Variants in S100A8 observed in about 807,000 individuals in gnomAD.
S100A8 encodes S100 calcium binding protein A8, also known as protein S100-A8.
In S100A8, 1 loss-of-function variant was observed where a neutral mutation model predicts 4.2. The ratio of observed to expected loss-of-function variants is 0.24; its 90% CI spans 0.08 to 1.12. The LOEUF (loss-of-function observed/expected upper bound fraction) is 1.12, where lower values mean the gene tolerates loss of function less well. Ranked by LOEUF, S100A8 falls within the 50% of genes most tolerant of loss-of-function variation. The pLI is 0.53. For missense variants in S100A8, 96 were observed against 111.8 expected (o/e 0.86, Z 0.64); for synonymous variants, 41 against 44.7 (o/e 0.92, Z 0.33).
intron 1 of S100A8, 168 bp downstream of exon 1, chr1:153,390,873 G>A (rs1034539800): frequency 9.0e-6 from 4 of 445,262 alleles, no homozygotes; most frequent in Non-Finnish European, 1.3e-5. Context: ...GAAGGTGCTG[G>A]AGGATACTCT....
At chr1:153,410,642 C>T in the S100A8 span, among the ~76,000 whole-genome samples, 5 of 152,136 alleles carry the variant, frequency 3.3e-5, no homozygotes, top group Non-Finnish European at 7.3e-5. Flanking sequence ...AGGCCAGCAT[C>T]ATCCTGATAC....
chr1:153,395,133 T>C (rs1557849492), upstream of S100A8, among the ~76,000 whole-genome samples: 1 of 152,108 alleles, frequency 6.6e-6, no homozygotes, highest in African/African-American at 2.4e-5. Flanking sequence ...CTCAGATCAG[T>C]GGTTCATGAA....
the S100A8 span, among the ~76,000 whole-genome samples, chr1:153,398,697 T>C: frequency 1.3e-5 from 2 of 152,230 alleles, no homozygotes; most frequent in Non-Finnish European, 2.9e-5. Context: ...CCACCGCTCA[T>C]GGAGCCAGCC....
chr1:153,412,070 T>C, the S100A8 span, among the ~76,000 whole-genome samples: 1 of 152,200 alleles, frequency 6.6e-6, no homozygotes, highest in Admixed American at 6.5e-5. Context: ...GACATAGGCA[T>C]GGGCAAAGAC....
the S100A8 span, among the ~76,000 whole-genome samples, chr1:153,415,545 T>G: frequency 6.6e-6 from 1 of 152,190 alleles, no homozygotes; most frequent in Admixed American, 6.5e-5. Context: ...TGGTTCAGGC[T>G]TTCCACAGCA....
the S100A8 span, among the ~76,000 whole-genome samples, chr1:153,397,173 G>T: frequency 6.6e-6 from 1 of 152,254 alleles, no homozygotes; most frequent in Non-Finnish European, 1.5e-5. Flanking sequence ...CTTCCTCAAG[G>T]CAGGGCAGTG....
chr1:153,403,023 A>T, the S100A8 span, among the ~76,000 whole-genome samples: 1 of 152,196 alleles, frequency 6.6e-6, no homozygotes, highest in African/African-American at 2.4e-5. Context: ...TTTTCAATAC[A>T]TTTTACTGGA....
upstream of S100A8, among the ~76,000 whole-genome samples, chr1:153,394,357 C>T (rs190012032): frequency 6.6e-6 from 1 of 152,290 alleles, no homozygotes; most frequent in East Asian, 1.9e-4. Flanking sequence ...AGGTATTTCT[C>T]CCCTGGGCCT....
chr1:153,416,354 C>A, the S100A8 span, among the ~76,000 whole-genome samples: 2 of 152,166 alleles, frequency 1.3e-5, no homozygotes, highest in Non-Finnish European at 2.9e-5. Flanking sequence ...GACCTGGTGA[C>A]CTGGGACCCT....
the S100A8 span, among the ~76,000 whole-genome samples, chr1:153,406,072 C>T: frequency 6.6e-6 from 1 of 152,146 alleles, no homozygotes; most frequent in Non-Finnish European, 1.5e-5. Context: ...CTCACCGTGG[C>T]TCCTGGAAGT....
the S100A8 span, chr1:153,396,716 T>A: frequency 6.6e-6 from 1 of 152,274 alleles, no homozygotes; most frequent in South Asian, 2.1e-4. Flanking sequence ...TTGTCCTTGT[T>A]CTTGTCTGCG....
At chr1:153,415,044 G>T in the S100A8 span, among the ~76,000 whole-genome samples, 3 of 152,096 alleles carry the variant, frequency 2.0e-5, no homozygotes, top group African/African-American at 7.2e-5. Context: ...TTCTTTTTCT[G>T]AGTAATTTCA....
At chr1:153,412,823 T>C in the S100A8 span, among the ~76,000 whole-genome samples, 3 of 152,212 alleles carry the variant, frequency 2.0e-5, no homozygotes, top group Non-Finnish European at 4.4e-5. Context: ...GATGAGTTCA[T>C]GTCCTTTGTA....
chr1:153,402,180 A>G, the S100A8 span, among the ~76,000 whole-genome samples: 1 of 152,194 alleles, frequency 6.6e-6, no homozygotes, highest in South Asian at 2.1e-4. Flanking sequence ...GATTAACAGT[A>G]TTAAGTTCTT....
the S100A8 span, among the ~76,000 whole-genome samples, chr1:153,404,944 G>A: frequency 3.2e-4 from 49 of 152,166 alleles, no homozygotes; most frequent in Admixed American, 2.0e-3. Flanking sequence ...GGAAGCTTGG[G>A]AAACAGAAAA....
the S100A8 span, chr1:153,419,484 A>G: frequency 2.8e-6 from 2 of 704,808 alleles, no homozygotes; most frequent in Non-Finnish European, 4.7e-6. Context: ...ACCCAGGAGT[A>G]ATGTCCCTCC....
chr1:153,401,231 A>G, the S100A8 span, among the ~76,000 whole-genome samples: 1 of 152,212 alleles, frequency 6.6e-6, no homozygotes, highest in Admixed American at 6.5e-5. Flanking sequence ...CATTATTGTT[A>G]GACATTAAAT....
upstream of S100A8, among the ~76,000 whole-genome samples, chr1:153,392,502 G>A (rs1047350339): frequency 1.3e-5 from 2 of 152,178 alleles, no homozygotes; most frequent in Admixed American, 6.5e-5. Context: ...CAAAAGAATT[G>A]AATGCAGGGA....
chr1:153,405,530 C>T, the S100A8 span, among the ~76,000 whole-genome samples: 3 of 151,126 alleles, frequency 2.0e-5, no homozygotes, highest in Non-Finnish European at 3.0e-5. Context: ...TCATATCCTG[C>T]GGGGCAAAGG....
Sources: gnomAD v4.1 joint callset for allele counts (sites outside exome capture counted in the v4.1 genomes callset) on GRCh38, gnomAD v4.1.1 for gene constraint, MANE v1.5 for transcripts, NCBI Gene and HGNC (gene_info 2026-07-23, HGNC 2026-07-21) for gene names.